The following GLT8D2 variants were observed in gnomAD, a reference collection of about 807,000 sequenced individuals.
GLT8D2 encodes the protein glycosyltransferase 8 domain-containing protein 2.
GLT8D2 carries 45 observed loss-of-function variants against 44.5 expected under a neutral mutation model. The ratio of observed to expected loss-of-function variants is 1.01; its 90% confidence interval spans 0.80 to 1.30. The LOEUF (loss-of-function observed/expected upper bound fraction) is 1.30, where lower values mean the gene tolerates loss of function less well. Ranked by LOEUF, GLT8D2 falls within the 50% of genes most tolerant of loss-of-function variation. The probability of loss-of-function intolerance (pLI) is 0.00; values close to 1 mark genes in which losing one functional copy is unlikely to be tolerated. For synonymous variants in GLT8D2, 156 were observed against 157.2 expected (o/e 0.99, Z 0.06); for missense variants, 400 against 430.4 (o/e 0.93, Z 0.62).
Position 103,989,392 on chromosome 12 carries a change from T to A in GLT8D2, c.*16A>T. On this transcript the variant is annotated 3_prime_UTR_variant, in exon 11 of 11. Coordinates refer to ENST00000360814, the MANE Select transcript of GLT8D2 (RefSeq NM_001384711.1). ...CCACATTTCTATACAGGGAATATTT[T>A]AAGGGTAGAGTTATATCAGCTATGG... 6.3e-7 allele frequency: 1 copy of A among 1,583,500 alleles called. No homozygotes were observed. Among genetic ancestry groups the A allele is most frequent in the Non-Finnish European group, 8.6e-7 (1 of 1,165,028 alleles).
chr12:104,045,020 G>T (rs933844958), intron 1 of GLT8D2, among the ~76,000 whole-genome samples: 9 of 152,196 alleles, frequency 5.9e-5, no homozygotes, highest in African/African-American at 1.9e-4. Context: ...TTAAAAGAAG[G>T]ACCAGACAGA....
intron 1 of GLT8D2, among the ~76,000 whole-genome samples, chr12:104,062,862 C>A (rs1882791279): frequency 6.6e-6 from 1 of 152,106 alleles, no homozygotes; most frequent in South Asian, 2.1e-4. Context: ...GACCAGGGGT[C>A]CCCAGTCCCC....
intron 1 of GLT8D2, among the ~76,000 whole-genome samples, chr12:104,037,134 T>C (rs941771836): frequency 3.3e-5 from 5 of 152,174 alleles, no homozygotes; most frequent in Non-Finnish European, 7.3e-5. Flanking sequence ...AGACACAACA[T>C]ACCAGAATCT....
intron 4 of GLT8D2, chr12:104,012,605 T>G: frequency 2.2e-6 from 1 of 453,920 alleles, no homozygotes; most frequent in Non-Finnish European, 3.9e-6. Flanking sequence ...TCAGTTCAGA[T>G]GACATTTGTC....
In GLT8D2 at chr12:104,015,043, GAACTTT is replaced by G; in HGVS notation, c.76_81del (p.Lys26_Val27del). On this transcript the variant is annotated inframe_deletion, in exon 4 of 11. Coordinates refer to ENST00000360814, the MANE Select transcript of GLT8D2 (RefSeq NM_001384711.1). ...TCATTCTTGGGCACAGTCCCCTTAT[GAACTTT>G]CTTATACAGAATCACACAGAGGGTC... The G allele has an allele frequency of 6.2e-7, 1 of 1,613,608 alleles. No homozygotes were observed. Among genetic ancestry groups the G allele is most frequent in the East Asian group, 2.2e-5 (1 of 44,876 alleles).
At chr12:104,007,336 T>C (rs144125994) in intron 4 of GLT8D2, among the ~76,000 whole-genome samples, 1 of 145,624 alleles carries the variant, frequency 6.9e-6, no homozygotes, top group African/African-American at 2.5e-5. Context: ...AAAACCTCTA[T>C]CCCTGAGGTC....
chr12:104,005,434 A>T (rs867843944), intron 4 of GLT8D2, among the ~76,000 whole-genome samples: 13 of 152,232 alleles, frequency 8.5e-5, no homozygotes, highest in African/African-American at 2.9e-4. Context: ...CTACCATCAG[A>T]GTGAACAGGC....
chr12:104,062,609 T>C (rs111848171), intron 1 of GLT8D2, among the ~76,000 whole-genome samples: 404 of 152,266 alleles, frequency 2.7e-3, no homozygotes, highest in Middle Eastern at 0.01. Context: ...CTTTCAATTT[T>C]TTCTTCCACT....
At position 104,029,426 on chromosome 12, in the gene GLT8D2, G is replaced by A. The variant is rs189756265; in HGVS notation, c.-163-7935C>T. On this transcript the variant is annotated intron_variant, in intron 1 of 10. Coordinates refer to ENST00000360814, the MANE Select transcript of GLT8D2 (RefSeq NM_001384711.1). ...GAGAGAATAAATGTGGTATGGTTAT[G>A]TAGGAGTATATCATTGATAGTAGGA... 1.1e-4 allele frequency among the ~76,000 whole-genome samples: 17 copies of A among 152,290 alleles called. No individual in the cohort carries two copies. In the East Asian group the frequency reaches 3.3e-3, roughly 29 times the overall value.
At chr12:104,029,693 T>C (rs899765967) in intron 1 of GLT8D2, 1 of 152,200 alleles carries the variant, frequency 6.6e-6, no homozygotes, top group African/African-American at 2.4e-5. Flanking sequence ...ATTAAGTACT[T>C]ACAACAGTAC....
chr12:104,037,227 G>A (rs543826469), intron 1 of GLT8D2, among the ~76,000 whole-genome samples: 15 of 152,202 alleles, frequency 9.9e-5, no homozygotes, highest in African/African-American at 3.4e-4. Context: ...ATCTAAAATC[G>A]ACACCCTAAC....
chr12:103,990,133 A>ATCTATATATATC (rs1170333665), intron 10 of GLT8D2, among the ~76,000 whole-genome samples: 1 of 136,466 alleles, frequency 7.3e-6, no homozygotes, highest in Non-Finnish European at 1.6e-5. Flanking sequence ...ATATATATAT[A>ATCTATATATATC]TGTAGGATAA....
intron 1 of GLT8D2, among the ~76,000 whole-genome samples, chr12:104,048,273 T>C (rs1881380822): frequency 6.6e-6 from 1 of 152,200 alleles, no homozygotes; most frequent in Non-Finnish European, 1.5e-5. Flanking sequence ...ACCTACATTA[T>C]GTGATAAGGT....
intron 1 of GLT8D2, among the ~76,000 whole-genome samples, chr12:104,038,324 G>C (rs972847149): frequency 2.0e-4 from 31 of 152,122 alleles, no homozygotes; most frequent in Non-Finnish European, 4.3e-4. Context: ...GAAATAAAGG[G>C]TATTCATTTA....
chr12:104,007,781 C>T (rs1875274478), intron 4 of GLT8D2, among the ~76,000 whole-genome samples: 1 of 152,144 alleles, frequency 6.6e-6, no homozygotes, highest in South Asian at 2.1e-4. Flanking sequence ...ATAATTCCCA[C>T]ATGTTGTGGG....
chr12:104,040,118 C>G (rs1395541805), intron 1 of GLT8D2, among the ~76,000 whole-genome samples: 1 of 152,042 alleles, frequency 6.6e-6, no homozygotes, highest in Non-Finnish European at 1.5e-5. Flanking sequence ...GGACATAGGA[C>G]AGGGAACATC....
intron 1 of GLT8D2, among the ~76,000 whole-genome samples, chr12:104,038,140 T>G (rs145976867): frequency 0.061 from 9,273 of 152,260 alleles, 391 homozygotes; most frequent in Non-Finnish European, 0.087. Flanking sequence ...TGATGGAACG[T>G]GTCTCAAAAT....
At chr12:104,036,002 G>A (rs1161696500) in intron 1 of GLT8D2, among the ~76,000 whole-genome samples, 1 of 152,162 alleles carries the variant, frequency 6.6e-6, no homozygotes, top group African/African-American at 2.4e-5. Context: ...AGAAGAGAGT[G>A]GGGGGCAATA....
At chr12:104,016,817 AAG>A (rs1269961651) in intron 3 of GLT8D2, among the ~76,000 whole-genome samples, 81 of 133,730 alleles carry the variant, frequency 6.1e-4, no homozygotes, top group African/African-American at 1.7e-3. Flanking sequence ...GAAAGAAAGA[AAG>A]AGAAAGAAAA....
Sources: gnomAD v4.1 joint callset for allele counts (sites outside exome capture counted in the v4.1 genomes callset) on GRCh38, gnomAD v4.1.1 for gene constraint, MANE v1.5 for transcripts, NCBI Gene and HGNC (gene_info 2026-07-23, HGNC 2026-07-21) for gene names.